The following ZNF512 variants were observed in gnomAD, a reference collection of about 807,000 sequenced individuals.
ZNF512 encodes the protein zinc finger protein 512.
Under a neutral mutation model 77.5 loss-of-function variants are expected in ZNF512, and 25 were observed. The observed-to-expected ratio is 0.32, with a 90% CI of 0.23 to 0.45. The LOEUF (loss-of-function observed/expected upper bound fraction) is 0.45. Ranked by LOEUF, ZNF512 falls within the 20% of genes least tolerant of loss-of-function variation. The probability of loss-of-function intolerance (pLI) is 1.00; values close to 1 mark genes in which losing one functional copy is unlikely to be tolerated. For synonymous variants in ZNF512, 246 were observed against 239.9 expected, an observed-to-expected ratio of 1.03 and a Z score of -0.24; for missense variants, 483 against 692.6, an observed-to-expected ratio of 0.70 and a Z score of 3.40.
chr2:27,621,549 TC>T lies in ZNF512; in HGVS notation c.*89del. ...CTGGGAGGACTGAGTGAAGATTCTT[TC>T]AGCTGTTTGTGTAAGGCTGTGACTT... is the stretch of plus-strand genomic sequence containing the variant. On this transcript the variant is annotated 3_prime_UTR_variant, in exon 14 of 14. Transcript: ENST00000355467. 1 of 1,372,570 alleles carries T rather than the reference TC, an allele frequency of 7.3e-7. No homozygotes were observed. The highest frequency in any genetic ancestry group is 1.5e-5 in the African/African-American group (1 of 68,926). 85.0% of individuals were successfully genotyped at this position (1,372,570 alleles called of 1,614,324 possible). A position where few individuals can be genotyped will look rare whatever the true frequency, so the allele number is the denominator to read the frequency against.
At position 27,621,836 on chromosome 2, in the gene ZNF512, C is replaced by G. The variant is rs1346270298; in HGVS notation, c.*375C>G. On this transcript the variant is annotated 3_prime_UTR_variant, in exon 14 of 14. Coordinates refer to ENST00000355467, the MANE Select transcript of ZNF512 (RefSeq NM_032434.4). ...ATTGATTTAGTAGCTGCTCCATCAT[C>G]TAGCTTGTGAAACCATTCCAAACTA... is the stretch of plus-strand genomic sequence containing the variant. The G allele has an allele frequency of 5.9e-6, 1 of 170,190 alleles. No homozygotes were observed. Among genetic ancestry groups the G allele is most frequent in the Non-Finnish European group, 1.3e-5 (1 of 77,544 alleles). The allele number at this position is 170,190 out of a possible 1,614,324, so 10.5% of individuals were successfully genotyped here. A position where few individuals can be genotyped will look rare whatever the true frequency, so the allele number is the denominator to read the frequency against.
At position 27,617,194 on chromosome 2, in the gene ZNF512, G is replaced by A. The variant is rs542493417; in HGVS notation, c.1297-279G>A. ...AGTGAAGTGAAAGGAACATAGGAAG[G>A]TAGAAAGATGTGGCATATTACCTGA... On this transcript the variant is annotated intron_variant, in intron 12 of 13. Coordinates refer to ENST00000355467, the MANE Select transcript of ZNF512 (RefSeq NM_032434.4). 5 of 303,212 alleles carry A rather than the reference G, an allele frequency of 1.6e-5. No homozygotes were observed. The South Asian group carries it at 2.5e-4, about 15-fold the overall frequency. The allele number at this position is 303,212 out of a possible 1,614,324, so 18.8% of individuals were successfully genotyped here. A position where few individuals can be genotyped will look rare whatever the true frequency, so the allele number is the denominator to read the frequency against.
At chr2:27,583,316 T>C in intron 1 of ZNF512, 174 bp downstream of exon 1, 2 of 1,260,696 alleles carry the variant, frequency 1.6e-6, no homozygotes, top group South Asian at 1.4e-5. Flanking sequence ...TGCTGCCTGT[T>C]CCCCACCTCC....
chr2:27,588,764 A>G (rs1319038683), intron 2 of ZNF512, among the ~76,000 whole-genome samples: 1 of 150,414 alleles, frequency 6.6e-6, no homozygotes, highest in African/African-American at 2.4e-5. Context: ...AAGCTTGCTG[A>G]GTATTGATTG....
chr2:27,614,738 T>C (rs1407852420), intron 10 of ZNF512, among the ~76,000 whole-genome samples: 4 of 151,926 alleles, frequency 2.6e-5, no homozygotes, highest in African/African-American at 9.7e-5. Flanking sequence ...ATTTATACAC[T>C]TCTAACCTTT....
intron 1 of ZNF512, 90 bp from the exon 2 acceptor site, chr2:27,583,568 T>C: frequency 1.3e-6 from 2 of 1,556,718 alleles, no homozygotes; most frequent in Non-Finnish European, 1.7e-6. Flanking sequence ...CCGGGAGAAC[T>C]TCATTTCTTC....
At position 27,617,535 on chromosome 2, in the gene ZNF512, T is replaced by C. The variant is rs139781647; in HGVS notation, c.1359T>C (p.Ser453=). 75 of 1,474,932 alleles carry C rather than the reference T, an allele frequency of 5.1e-5. 1 individual carries two copies. The African/African-American group carries it at 1.0e-3, about 20-fold the overall frequency. 91.4% of individuals were successfully genotyped at this position (1,474,932 alleles called of 1,614,324 possible). A position where few individuals can be genotyped will look rare whatever the true frequency, so the allele number is the denominator to read the frequency against. The change falls in exon 13 of 14, where the codon AGT becomes AGC. Residue 453 remains serine, a synonymous_variant. Transcript: ENST00000355467. ...GTCAGAAAGAATTTGTGTCAGAGAG[T>C]GGTGTCAAGTATCACATCAACTCCG... is the stretch of plus-strand genomic sequence containing the variant. ...LLCQKEFVSE[S]GVKYHINSVH... is the part of the protein sequence containing the mutation.
Position 27,621,859 on chromosome 2 carries a change from C to G in ZNF512, c.*398C>G, listed in dbSNP as rs1234230490. 2 of 164,988 alleles carry G rather than the reference C, an allele frequency of 1.2e-5. No individual in the cohort carries two copies. The highest frequency in any genetic ancestry group is 4.8e-5 in the African/African-American group (2 of 41,562). The allele number at this position is 164,988 out of a possible 1,614,324, so 10.2% of individuals were successfully genotyped here. On this transcript the variant is annotated 3_prime_UTR_variant, in exon 14 of 14. Transcript: ENST00000355467. ...ATCTAGCTTGTGAAACCATTCCAAA[C>G]TAATTTTTTAAAACCATAACTGATT...
At chr2:27,600,913 G>C in intron 6 of ZNF512, 98 bp downstream of exon 6, 1 of 1,430,522 alleles carries the variant, frequency 7.0e-7, no homozygotes, top group Non-Finnish European at 9.4e-7. Flanking sequence ...TGGATGAAAA[G>C]CAGCATTGTA....
intron 4 of ZNF512, 87 bp downstream of exon 4, chr2:27,599,765 G>C: frequency 1.1e-5 from 14 of 1,307,450 alleles, no homozygotes; most frequent in African/African-American, 1.5e-5. Context: ...CTTAGTTTGA[G>C]CCCTTCAGTG....
At chr2:27,610,375 AAAT>A (rs1558474521) in intron 10 of ZNF512, among the ~76,000 whole-genome samples, 1 of 146,754 alleles carries the variant, frequency 6.8e-6, no homozygotes, top group Admixed American at 6.9e-5. Context: ...AAAAAAAAAA[AAAT>A]AAATAAATAA....
rs539028864 is a variant in ZNF512, at chr2:27,595,085, C to T, written c.90-2982C>T. On this transcript the variant is annotated intron_variant, in intron 2 of 13. Coordinates refer to ENST00000355467, the MANE Select transcript of ZNF512 (RefSeq NM_032434.4). Reference sequence around the variant, plus strand: ...GGGAGGTTGTAGCTAGGTGAGATCACGGCAGTATGGTCCAGCCTTGGCAAC... The same window carrying T: ...GGGAGGTTGTAGCTAGGTGAGATCATGGCAGTATGGTCCAGCCTTGGCAAC... Among the ~76,000 whole-genome samples the T allele has an allele frequency of 7.8e-4, 118 of 152,212 alleles. 1 individual carries two copies. Among genetic ancestry groups the T allele is most frequent in the African/African-American group, 2.7e-3 (112 of 41,540 alleles).
Position 27,615,198 on chromosome 2 carries a change from T to G in ZNF512, c.1162T>G (p.Phe388Val). 6.2e-7 allele frequency: 1 copy of G among 1,607,230 alleles called. No homozygotes were observed. Among genetic ancestry groups the G allele is most frequent in the South Asian group, 1.1e-5 (1 of 89,876 alleles). ...ATATACTCGTCCAGGGCTCCCTACC[T>G]TCAGCCAGGAAGTACTACATAAATG... is the stretch of plus-strand genomic sequence containing the variant. ...LKYTRPGLPT[F>V]SQEVLHKWKT... is the part of the protein sequence containing the mutation. The change falls in exon 11 of 14, where the codon TTC becomes GTC. Residue 388 changes from phenylalanine to valine, a missense_variant. By Grantham distance (50) the Phe-to-Val change is conservative (BLOSUM62 -1). Transcript: ENST00000355467.
At chr2:27,600,624 T>G in intron 5 of ZNF512, 67 bp from the exon 6 acceptor site, 2 of 1,543,974 alleles carry the variant, frequency 1.3e-6, no homozygotes, top group Non-Finnish European at 1.7e-6. Flanking sequence ...TCCTAAATCG[T>G]GGGATTATGC....
intron 9 of ZNF512, among the ~76,000 whole-genome samples, chr2:27,605,214 G>A (rs1012361922): frequency 6.6e-6 from 1 of 152,134 alleles, no homozygotes; most frequent in Non-Finnish European, 1.5e-5. Context: ...AGCACTTTGG[G>A]AGGCTGATGC....
rs1672875374 is a variant in ZNF512, at chr2:27,616,248, C to T, written c.1234-14C>T. 1.2e-6 allele frequency: 2 copies of T among 1,611,180 alleles called. No homozygotes were observed. The highest frequency in any genetic ancestry group is 4.5e-5 in the East Asian group (2 of 44,856). On this transcript the variant is annotated splice_polypyrimidine_tract_variant and intron_variant, in intron 11 of 13. Transcript: ENST00000355467. ...ATTTGGCATAGTCTTCATACTATTTCTTCTCTTTTGCAGGGCTGTGAGGCT... is the reference window on the plus strand; with the variant it reads ...ATTTGGCATAGTCTTCATACTATTTTTTCTCTTTTGCAGGGCTGTGAGGCT...
At chr2:27,585,038 G>A (rs1221491418) in intron 2 of ZNF512, among the ~76,000 whole-genome samples, 1 of 152,312 alleles carries the variant, frequency 6.6e-6, no homozygotes, top group East Asian at 1.9e-4. Context: ...AGAACATGTA[G>A]CCTATGGTGG....
chr2:27,614,259 G>A (rs945649336), intron 10 of ZNF512, among the ~76,000 whole-genome samples: 9 of 152,124 alleles, frequency 5.9e-5, no homozygotes, highest in Non-Finnish European at 1.3e-4. Flanking sequence ...TGCAAGAACT[G>A]TCTGTGCAGG....
chr2:27,602,635 T>A, intron 8 of ZNF512, 74 bp downstream of exon 8: 1 of 1,316,622 alleles, frequency 7.6e-7, no homozygotes, highest in South Asian at 1.4e-5. Flanking sequence ...TTTCCATTTC[T>A]TCTCTTCCTC....
Sources: gnomAD v4.1 joint callset for allele counts (sites outside exome capture counted in the v4.1 genomes callset) on GRCh38, gnomAD v4.1.1 for gene constraint, MANE v1.5 for transcripts, NCBI Gene and HGNC (gene_info 2026-07-23, HGNC 2026-07-21) for gene names.